ITGB3: variants seen among roughly 807,000 people sequenced by gnomAD.
ITGB3 encodes the protein integrin beta-3.
ITGB3 carries 48 observed loss-of-function variants against 85.8 expected under a neutral mutation model. The observed-to-expected ratio is 0.56, with a 90% CI of 0.44 to 0.71. The LOEUF (loss-of-function observed/expected upper bound fraction) is 0.71, where lower values mean the gene tolerates loss of function less well. Ranked by LOEUF, ITGB3 falls within the 30% of genes least tolerant of loss-of-function variation. The pLI is 0.00. For missense variants in ITGB3, 861 were observed against 1,019.1 expected (o/e 0.84, Z 2.11); for synonymous variants, 363 against 395.6 (o/e 0.92, Z 0.98).
chr17:47,295,641 T>C (rs1456430633), intron 10 of ITGB3, among the ~76,000 whole-genome samples: 1 of 152,092 alleles, frequency 6.6e-6, no homozygotes, highest in African/African-American at 2.4e-5. Context: ...TTGTTTAGCC[T>C]CACAAAGGAA....
At chr17:47,287,821 G>T (rs2065108784) in intron 6 of ITGB3, among the ~76,000 whole-genome samples, 1 of 145,806 alleles carries the variant, frequency 6.9e-6, no homozygotes, top group African/African-American at 2.5e-5. Context: ...GAGGCAGAAA[G>T]ATCTCTTGAG....
At chr17:47,260,328 C>T (rs931290569) in intron 1 of ITGB3, among the ~76,000 whole-genome samples, 1 of 2,486 alleles carries the variant, frequency 4.0e-4, no homozygotes, top group Non-Finnish European at 7.1e-4. Flanking sequence ...CTTCAATTTG[C>T]TCCTGCCCCT....
chr17:47,276,231 T>A (rs1253438116), intron 2 of ITGB3, among the ~76,000 whole-genome samples: 3 of 152,056 alleles, frequency 2.0e-5, no homozygotes, highest in Non-Finnish European at 2.9e-5. Context: ...AAGAAAACCT[T>A]CTTGGAGGGT....
At chr17:47,292,031 C>T (rs2065128236) in intron 9 of ITGB3, 108 bp from the exon 10 acceptor site, 1 of 1,125,318 alleles carries the variant, frequency 8.9e-7, no homozygotes, top group African/African-American at 1.5e-5. Context: ...ATAAGACACC[C>T]AATTTGGGTA....
chr17:47,274,469 G>C lies in ITGB3; in HGVS notation c.130G>C (p.Ala44Pro), dbSNP rs955185698. ...RGVSSCQQCL[A>P]VSPMCAWCSD... ...TGTGAGCTCCTGCCAGCAGTGCCTG[G>C]CTGTGAGCCCCATGTGTGCCTGGTG... Residue 44 changes from alanine (A) to proline (P), a missense_variant, in exon 2 of 15, where the codon GCT (alanine) becomes CCT (proline). Ala to Pro is a conservative substitution (Grantham distance 27, BLOSUM62 -1). Transcript: ENST00000559488. 6.2e-7 allele frequency: 1 copy of C among 1,613,754 alleles called. No homozygotes were observed. The highest frequency in any genetic ancestry group is 8.5e-7 in the Non-Finnish European group (1 of 1,179,984).
At chr17:47,298,447 G>A (rs750030510) in intron 10 of ITGB3, among the ~76,000 whole-genome samples, 5 of 152,078 alleles carry the variant, frequency 3.3e-5, no homozygotes, top group Admixed American at 1.3e-4. Flanking sequence ...TCTCAGTGCC[G>A]TCCCTCTGCC....
intron 1 of ITGB3, among the ~76,000 whole-genome samples, chr17:47,271,240 G>A (rs1306656505): frequency 6.6e-6 from 1 of 152,204 alleles, no homozygotes; most frequent in Non-Finnish European, 1.5e-5. Context: ...TAGGATGACA[G>A]TCTACTCATT....
chr17:47,302,952 A>C (rs2065172998), intron 13 of ITGB3, 112 bp downstream of exon 13: 4 of 1,295,346 alleles, frequency 3.1e-6, no homozygotes, highest in Non-Finnish European at 4.4e-6. Context: ...TAAGCCTGCA[A>C]GTGATAAGTT....
At chr17:47,267,758 A>G (rs937914398) in intron 1 of ITGB3, among the ~76,000 whole-genome samples, 4 of 152,108 alleles carry the variant, frequency 2.6e-5, no homozygotes, top group African/African-American at 9.7e-5. Context: ...AAAACTTTCT[A>G]TTGTGGCTAC....
At chr17:47,301,308 T>C (rs58875262) in intron 12 of ITGB3, among the ~76,000 whole-genome samples, 6,448 of 152,294 alleles carry the variant, frequency 0.042, 231 homozygotes, top group East Asian at 0.1. Context: ...AATCTCTCCA[T>C]AGATAGCAAT....
At chr17:47,274,384 A>G (rs199802776) in intron 1 of ITGB3, 35 bp from the exon 2 acceptor site, 6 of 1,601,938 alleles carry the variant, frequency 3.7e-6, no homozygotes, top group East Asian at 2.2e-5. Flanking sequence ...CACTGAGCCA[A>G]ATCTGGTGCT....
At chr17:47,282,603 T>C (rs1276034112) in intron 2 of ITGB3, among the ~76,000 whole-genome samples, 2 of 152,194 alleles carry the variant, frequency 1.3e-5, no homozygotes, top group Non-Finnish European at 2.9e-5. Flanking sequence ...CCTGCCTCCT[T>C]ACACTGCCTT....
At chr17:47,283,641 C>T in intron 3 of ITGB3, 92 bp downstream of exon 3, 5 of 1,249,026 alleles carry the variant, frequency 4.0e-6, no homozygotes, top group Non-Finnish European at 5.8e-6. Context: ...GGGGAAGTAG[C>T]TCAGAATGGA....
chr17:47,306,251 T>G (rs1416256280), intron 13 of ITGB3, among the ~76,000 whole-genome samples: 1 of 152,050 alleles, frequency 6.6e-6, no homozygotes, highest in Non-Finnish European at 1.5e-5. Flanking sequence ...TGCAGGAATA[T>G]AAGAATCTCT....
In ITGB3 at chr17:47,286,327, C is replaced by A; in HGVS notation, c.682C>A (p.Arg228Ser). Reference sequence around the variant, plus strand: ...GCTGACGCTAACTGACCAGGTGACCCGCTTCAATGAGGAAGTGAAGAAGCA... The same window carrying A: ...GCTGACGCTAACTGACCAGGTGACCAGCTTCAATGAGGAAGTGAAGAAGCA... ...HVLTLTDQVTRFNEEVKKQSV... is the reference protein window; with the variant it reads ...HVLTLTDQVTSFNEEVKKQSV... Residue 228 changes from arginine to serine, a missense_variant, in exon 5 of 15, where the codon CGC becomes AGC. Transcript: ENST00000559488. The A allele has an allele frequency of 6.2e-7, 1 of 1,614,172 alleles. No homozygotes were observed. The highest frequency in any genetic ancestry group is 2.2e-5 in the East Asian group (1 of 44,894).
chr17:47,270,829 A>T (rs1400603120), intron 1 of ITGB3, among the ~76,000 whole-genome samples: 1 of 152,216 alleles, frequency 6.6e-6, no homozygotes, highest in African/African-American at 2.4e-5. Context: ...AGGTGCTTCA[A>T]GGATTCCGCA....
chr17:47,286,203 C>G lies in ITGB3; in HGVS notation c.615-57C>G, dbSNP rs979446317. Reference sequence around the variant, plus strand: ...TTGTCCCCTCTCTTTCCTCCCAATTCCCATGCTGCCTTTTCCATGAAGGTG... The same window carrying G: ...TTGTCCCCTCTCTTTCCTCCCAATTGCCATGCTGCCTTTTCCATGAAGGTG... On this transcript the variant is annotated intron_variant, in intron 4 of 14. Coordinates refer to ENST00000559488, the MANE Select transcript of ITGB3 (RefSeq NM_000212.3). 4 of 1,596,178 alleles carry G rather than the reference C, an allele frequency of 2.5e-6. No individual in the cohort carries two copies. In the African/African-American group the frequency reaches 4.0e-5, roughly 16 times the overall value.
intron 12 of ITGB3, among the ~76,000 whole-genome samples, chr17:47,301,881 T>C (rs1394450404): frequency 6.6e-6 from 1 of 152,228 alleles, no homozygotes; most frequent in East Asian, 1.9e-4. Context: ...GGTCCTGAAA[T>C]CCGTACTCTT....
chr17:47,289,035 C>T (rs535013978), intron 6 of ITGB3, among the ~76,000 whole-genome samples: 2 of 152,170 alleles, frequency 1.3e-5, no homozygotes, highest in South Asian at 4.1e-4. Flanking sequence ...GACAGTGGGC[C>T]AGATCACTGC....
Sources: allele counts gnomAD v4.1 joint callset (sites outside exome capture counted in the v4.1 genomes callset), GRCh38; gene constraint gnomAD v4.1.1; transcripts MANE v1.5; gene names NCBI Gene and HGNC (gene_info 2026-07-23, HGNC 2026-07-21).